The following PALM2AKAP2 variants were observed in gnomAD, a reference collection of about 807,000 sequenced individuals.
PALM2AKAP2 encodes the protein PALM2 and AKAP2 fusion, also known as PALM2-AKAP2 fusion protein.
A neutral mutation model predicts 71.5 loss-of-function variants in PALM2AKAP2; 37 were observed. The ratio of observed to expected loss-of-function variants is 0.52; its 90% CI spans 0.40 to 0.68. The LOEUF (loss-of-function observed/expected upper bound fraction) is 0.68, where lower values mean the gene tolerates loss of function less well. Ranked by LOEUF, PALM2AKAP2 falls within the 30% of genes least tolerant of loss-of-function variation. The pLI is 0.00. For synonymous variants in PALM2AKAP2, 468 were observed against 478.8 expected, an observed-to-expected ratio of 0.98 and a Z score of 0.29; for missense variants, 1,224 against 1,191.8, an observed-to-expected ratio of 1.03 and a Z score of -0.40.
chr9:109,818,164 A>G (rs73533238), intron 1 of PALM2AKAP2, among the ~76,000 whole-genome samples: 11,418 of 152,266 alleles, frequency 0.075, 1,174 homozygotes, highest in African/African-American at 0.24. Context: ...TGTATTTATT[A>G]TATCTGGGTA....
chr9:109,931,888 A>G, intron 5 of PALM2AKAP2, 39 bp from the exon 6 acceptor site: 3 of 1,608,140 alleles, frequency 1.9e-6, no homozygotes, highest in South Asian at 2.2e-5. Flanking sequence ...GGGCCTCCCA[A>G]CACTGTGACT....
At chr9:109,867,192 G>A (rs1019656478) in intron 1 of PALM2AKAP2, 12 of 436,886 alleles carry the variant, frequency 2.7e-5, no homozygotes, top group Non-Finnish European at 4.1e-5. Context: ...GTGTGTGTGT[G>A]TGTGTGTGTG....
chr9:109,644,251 G>T (rs1365202955), intron 1 of PALM2AKAP2, among the ~76,000 whole-genome samples: 3 of 151,640 alleles, frequency 2.0e-5, no homozygotes, highest in Non-Finnish European at 4.4e-5. Context: ...GTCCCTCCTT[G>T]GGTCTCACAA....
In PALM2AKAP2 at chr9:109,973,895, A is replaced by G. The variant is rs1832119280; in HGVS notation, c.496+41867A>G. ...GCTTCTTGAGGACTCATTTTCATAT[A>G]GATGTTGTCATTCAGTAAACATTGA... On this transcript the variant is annotated intron_variant, in intron 6 of 9. Coordinates refer to the PALM2AKAP2 transcript ENST00000302798. 2.0e-5 allele frequency among the ~76,000 whole-genome samples: 3 copies of G among 152,188 alleles called. No individual in the cohort carries two copies. The South Asian group carries it at 6.2e-4, about 32-fold the overall frequency.
intron 2 of PALM2AKAP2, among the ~76,000 whole-genome samples, chr9:109,868,906 AC>A (rs1444899233): frequency 6.6e-6 from 1 of 152,192 alleles, no homozygotes; most frequent in African/African-American, 2.4e-5. Context: ...TCCTCTTCTC[AC>A]AGAGAGGGGG....
chr9:109,808,496 G>A (rs1827639046), intron 1 of PALM2AKAP2, among the ~76,000 whole-genome samples: 1 of 152,212 alleles, frequency 6.6e-6, no homozygotes, highest in Non-Finnish European at 1.5e-5. Flanking sequence ...TGACTTGGGT[G>A]CTGTTAAATG....
intron 1 of PALM2AKAP2, among the ~76,000 whole-genome samples, chr9:109,728,841 A>G (rs969269934): frequency 5.3e-5 from 8 of 152,168 alleles, no homozygotes; most frequent in Admixed American, 3.9e-4. Flanking sequence ...TTCCTCATTC[A>G]GGAACCTAAG....
chr9:110,162,082 C>A lies in PALM2AKAP2; in HGVS notation c.2748+5585C>A. The A allele has an allele frequency of 6.2e-7, 1 of 1,613,878 alleles. No individual in the cohort carries two copies. Among genetic ancestry groups the A allele is most frequent in the Non-Finnish European group, 8.5e-7 (1 of 1,179,920 alleles). ...GCCATGTACTAACCCTGGTCTTTTC[C>A]CTCTCTGCCAGTACACTTCTAAGTT... On this transcript the variant is annotated intron_variant, in intron 3 of 3. Coordinates refer to ENST00000374525, the Ensembl canonical transcript of PALM2AKAP2.
At chr9:109,935,911 G>T (rs972028002) in intron 6 of PALM2AKAP2, among the ~76,000 whole-genome samples, 1 of 152,118 alleles carries the variant, frequency 6.6e-6, no homozygotes, top group African/African-American at 2.4e-5. Context: ...CACTTTACAG[G>T]CTGAAAACTC....
intron 6 of PALM2AKAP2, among the ~76,000 whole-genome samples, chr9:109,932,398 G>A (rs1831127552): frequency 6.6e-6 from 1 of 152,234 alleles, no homozygotes; most frequent in African/African-American, 2.4e-5. Context: ...CATGATGGAA[G>A]CTGGATGGGA....
intron 1 of PALM2AKAP2, among the ~76,000 whole-genome samples, chr9:109,658,924 G>GACCTTT (rs963255673): frequency 6.6e-6 from 1 of 152,046 alleles, no homozygotes; most frequent in Admixed American, 6.6e-5. Flanking sequence ...AAACTTGCAG[G>GACCTTT]ACCTTTATGT....
At chr9:110,069,252 G>A (rs1887516) in intron 1 of PALM2AKAP2, among the ~76,000 whole-genome samples, 2,037 of 152,318 alleles carry the variant, frequency 0.013, 38 homozygotes, top group African/African-American at 0.047. Context: ...TAACAAGTCC[G>A]ACATGGCTGG....
intron 6 of PALM2AKAP2, among the ~76,000 whole-genome samples, chr9:109,947,868 T>C (rs1831546915): frequency 6.6e-6 from 1 of 152,244 alleles, no homozygotes; most frequent in Admixed American, 6.5e-5. Context: ...CATAGGTGTT[T>C]CAGAAACTTC....
At chr9:110,017,101 G>C (rs972660514) in intron 7 of PALM2AKAP2, among the ~76,000 whole-genome samples, 39 of 152,254 alleles carry the variant, frequency 2.6e-4, no homozygotes, top group African/African-American at 8.7e-4. Flanking sequence ...GGATGGTCTC[G>C]ATCTCCTGAC....
At chr9:109,924,248 C>T (rs1364142971) in intron 4 of PALM2AKAP2, among the ~76,000 whole-genome samples, 1 of 152,046 alleles carries the variant, frequency 6.6e-6, no homozygotes. Context: ...TATAAAAAGG[C>T]CAGAAGCAAC....
At chr9:110,151,569 T>C (rs1050581222) in intron 2 of PALM2AKAP2, among the ~76,000 whole-genome samples, 7 of 152,298 alleles carry the variant, frequency 4.6e-5, no homozygotes, top group African/African-American at 1.4e-4. Context: ...CTTTGAGGCA[T>C]CAAGTAACTA....
intron 1 of PALM2AKAP2, among the ~76,000 whole-genome samples, chr9:110,112,570 C>A (rs940598056): frequency 2.6e-5 from 4 of 152,234 alleles, no homozygotes; most frequent in Non-Finnish European, 4.4e-5. Context: ...GCTAAGCCAG[C>A]AAGCACATGC....
intron 1 of PALM2AKAP2, among the ~76,000 whole-genome samples, chr9:109,860,704 C>T (rs1181823106): frequency 1.3e-5 from 2 of 152,294 alleles, no homozygotes; most frequent in African/African-American, 2.4e-5. Context: ...TTCTTCATCT[C>T]TTCTTTCCTT....
intron 6 of PALM2AKAP2, among the ~76,000 whole-genome samples, chr9:109,984,291 T>C (rs539693091): frequency 1.3e-5 from 2 of 152,338 alleles, no homozygotes; most frequent in South Asian, 2.1e-4. Flanking sequence ...ATCAAATATT[T>C]TATTTCCATA....
Sources: allele counts gnomAD v4.1 joint callset (sites outside exome capture counted in the v4.1 genomes callset), GRCh38; gene constraint gnomAD v4.1.1; transcripts MANE v1.5; gene names NCBI Gene and HGNC (gene_info 2026-07-23, HGNC 2026-07-21).